The following PLCB1 variants were observed in gnomAD, a reference collection of about 807,000 sequenced individuals.
PLCB1 encodes the protein phospholipase C beta 1.
PLCB1 carries 46 observed loss-of-function variants against 161.8 expected under a neutral mutation model. That is an observed-to-expected ratio of 0.28 (90% CI 0.22 to 0.36). The LOEUF is 0.36. Among genes scored for constraint, PLCB1 ranks in the 10% least tolerant of loss-of-function variants. The pLI is 1.00. For synonymous variants in PLCB1, 517 were observed against 503.7 expected, an observed-to-expected ratio of 1.03 and a Z score of -0.35; for missense variants, 1,016 against 1,472.5, an observed-to-expected ratio of 0.69 and a Z score of 5.07.
chr20:8,785,089 C>T (rs718711), intron 27 of PLCB1, among the ~76,000 whole-genome samples: 48,299 of 151,490 alleles, frequency 0.32, 8,197 homozygotes, highest in East Asian at 0.5. Flanking sequence ...TAAATGATAC[C>T]CTGTAGGAAA....
At chr20:8,542,963 G>A (rs772657895) in intron 3 of PLCB1, among the ~76,000 whole-genome samples, 2 of 152,158 alleles carry the variant, frequency 1.3e-5, no homozygotes, top group Non-Finnish European at 2.9e-5. Flanking sequence ...AATATTATGT[G>A]GCAGGCCATA....
rs962451898 is a variant in PLCB1, at chr20:8,802,148, G to A, written c.3423+11887G>A. 2.5e-6 allele frequency: 4 copies of A among 1,608,326 alleles called. No homozygotes were observed. In the African/African-American group the frequency reaches 4.0e-5, roughly 16 times the overall value. On this transcript the variant is annotated intron_variant, in intron 31 of 31. Transcript: ENST00000338037. The stretch of plus-strand genomic sequence containing the variant: ...CTCCCCCCAACCCTCAAGCTCTCAA[G>A]TGGTGACCACCGTCCTTCCGGCCAG...
chr20:8,317,099 G>A (rs974487350), intron 2 of PLCB1, among the ~76,000 whole-genome samples: 11 of 152,112 alleles, frequency 7.2e-5, no homozygotes, highest in Non-Finnish European at 1.5e-4. Flanking sequence ...ATACAGTCAG[G>A]GAGAAGAGCT....
intron 3 of PLCB1, among the ~76,000 whole-genome samples, chr20:8,417,136 G>C (rs1979334986): frequency 8.1e-6 from 1 of 123,790 alleles, no homozygotes; most frequent in South Asian, 2.7e-4. Context: ...GCCCAGGCTG[G>C]AGTGCAGTGG....
At chr20:8,681,074 A>ATGTGTGTG (rs1990196923) in intron 9 of PLCB1, among the ~76,000 whole-genome samples, 1 of 72,644 alleles carries the variant, frequency 1.4e-5, no homozygotes, top group Non-Finnish European at 2.5e-5. Context: ...ATATGTGTGT[A>ATGTGTGTG]TATGTGTGTG....
At chr20:8,195,646 T>G (rs2052015004) in intron 2 of PLCB1, among the ~76,000 whole-genome samples, 1 of 152,128 alleles carries the variant, frequency 6.6e-6, no homozygotes, top group South Asian at 2.1e-4. Flanking sequence ...GGATTTTTTA[T>G]TCTAGAATCA....
At chr20:8,338,909 G>C (rs1985691733) in intron 2 of PLCB1, among the ~76,000 whole-genome samples, 1 of 152,166 alleles carries the variant, frequency 6.6e-6, no homozygotes, top group African/African-American at 2.4e-5. Flanking sequence ...CACATGGTGT[G>C]TTTTTGTGTT....
chr20:8,517,129 C>A (rs957636064), intron 3 of PLCB1, among the ~76,000 whole-genome samples: 3 of 151,976 alleles, frequency 2.0e-5, no homozygotes, highest in Admixed American at 2.0e-4. Flanking sequence ...ATTCGGGGAG[C>A]CCACAAGTAA....
At chr20:8,860,537 T>C (rs1201488290) in intron 31 of PLCB1, among the ~76,000 whole-genome samples, 1 of 152,198 alleles carries the variant, frequency 6.6e-6, no homozygotes, top group African/African-American at 2.4e-5. Context: ...TTTTATACTG[T>C]TCAAGACTCC....
At chr20:8,328,850 T>C (rs1451224253) in intron 2 of PLCB1, among the ~76,000 whole-genome samples, 4 of 152,180 alleles carry the variant, frequency 2.6e-5, no homozygotes, top group Non-Finnish European at 5.9e-5. Context: ...CATGATATTA[T>C]GTTATGGCCA....
chr20:8,543,529 T>A (rs543958318), intron 3 of PLCB1, among the ~76,000 whole-genome samples: 26 of 151,622 alleles, frequency 1.7e-4, no homozygotes, highest in African/African-American at 6.1e-4. Flanking sequence ...GGTAATGGAA[T>A]TACACTCATG....
chr20:8,657,651 T>C (rs1989500575), intron 8 of PLCB1, among the ~76,000 whole-genome samples: 2 of 152,088 alleles, frequency 1.3e-5, no homozygotes, highest in Admixed American at 6.6e-5. Flanking sequence ...CTGAGCCACA[T>C]TAGCGACATG....
At chr20:8,698,954 A>G (rs1018204816) in intron 11 of PLCB1, among the ~76,000 whole-genome samples, 8 of 152,188 alleles carry the variant, frequency 5.3e-5, no homozygotes, top group South Asian at 2.1e-4. Flanking sequence ...ACCCAAGCCC[A>G]AATATCTAAA....
chr20:8,538,106 G>C (rs931662629), intron 3 of PLCB1, among the ~76,000 whole-genome samples: 3 of 152,122 alleles, frequency 2.0e-5, no homozygotes, highest in African/African-American at 7.2e-5. Context: ...TAAATGACCA[G>C]GGCTGTTATT....
At chr20:8,212,251 A>G (rs934531023) in intron 2 of PLCB1, among the ~76,000 whole-genome samples, 15 of 152,134 alleles carry the variant, frequency 9.9e-5, no homozygotes, top group Admixed American at 4.6e-4. Flanking sequence ...TTTATTTTCA[A>G]GCAAATCAAA....
At chr20:8,149,235 G>A (rs1423704311) in intron 1 of PLCB1, among the ~76,000 whole-genome samples, 2 of 152,078 alleles carry the variant, frequency 1.3e-5, no homozygotes, top group Non-Finnish European at 2.9e-5. Context: ...ATTTCTCACA[G>A]CAACCTTCTG....
At chr20:8,179,305 T>C (rs1042873876) in intron 2 of PLCB1, among the ~76,000 whole-genome samples, 1 of 152,186 alleles carries the variant, frequency 6.6e-6, no homozygotes, top group Admixed American at 6.5e-5. Flanking sequence ...ATCTCTGATT[T>C]CTTTGAGCAG....
intron 3 of PLCB1, among the ~76,000 whole-genome samples, chr20:8,476,945 A>G (rs1212749249): frequency 1.3e-5 from 2 of 152,212 alleles, no homozygotes; most frequent in Admixed American, 6.5e-5. Context: ...CCTTACCATG[A>G]TGGATTATTC....
chr20:8,272,420 T>C (rs531888900), intron 2 of PLCB1, among the ~76,000 whole-genome samples: 3 of 152,204 alleles, frequency 2.0e-5, no homozygotes, highest in Admixed American at 6.6e-5. Flanking sequence ...AGCTTTATTA[T>C]GGTGACCAGT....
Sources: gnomAD v4.1 joint callset for allele counts (sites outside exome capture counted in the v4.1 genomes callset) on GRCh38, gnomAD v4.1.1 for gene constraint, MANE v1.5 for transcripts, NCBI Gene and HGNC (gene_info 2026-07-23, HGNC 2026-07-21) for gene names.